USP30: variants seen among roughly 807,000 people sequenced by gnomAD.
USP30 encodes the protein ubiquitin carboxyl-terminal hydrolase 30.
In USP30, 41 loss-of-function variants were observed where a neutral mutation model predicts 68.2. The observed-to-expected ratio is 0.60, with a 90% CI of 0.47 to 0.78. The LOEUF is 0.78. USP30 is among the 30% of genes least tolerant of loss of function. The probability of loss-of-function intolerance (pLI) is 0.00; values close to 1 mark genes in which losing one functional copy is unlikely to be tolerated. For missense variants in USP30, 522 were observed against 649.4 expected (o/e 0.80, Z 2.13); for synonymous variants, 229 against 253.7 (o/e 0.90, Z 0.93).
chr12:109,071,483 G>T, intron 4 of USP30, 129 bp from the exon 5 acceptor site: 3 of 679,106 alleles, frequency 4.4e-6, no homozygotes, highest in Non-Finnish European at 2.6e-6. Context: ...TCTTTAATGA[G>T]CTGGGCCTTG....
chr12:109,030,894 G>C (rs1429247459), intron 3 of USP30, among the ~76,000 whole-genome samples: 1 of 152,076 alleles, frequency 6.6e-6, no homozygotes, highest in Non-Finnish European at 1.5e-5. Flanking sequence ...GATTACAGGC[G>C]TGAGCCACCG....
rs560880766 is a variant in USP30 at position 109,070,657 on chromosome 12, A to T, written c.481-955A>T. Among the ~76,000 whole-genome samples the T allele has an allele frequency of 2.7e-4, 41 of 152,268 alleles. No individual in the cohort carries two copies. Among genetic ancestry groups the T allele is most frequent in the African/African-American group, 8.9e-4 (37 of 41,552 alleles). On this transcript the variant is annotated intron_variant, in intron 4 of 12. Coordinates refer to ENST00000257548, the MANE Select transcript of USP30 (RefSeq NM_032663.5). The surrounding 1 kb of genome is among the most constrained non-coding windows in gnomAD (Gnocchi z 4.0). ...TGAGGGGACACCAAAGGAGAAGCAG[A>T]GGGCCTGTGTTGTGACCCCGTTACT...
Position 109,085,964 on chromosome 12 carries a change from ACT to A in USP30, c.*34_*35del, listed in dbSNP as rs760383938. Reference sequence around the variant, plus strand: ...CTCCTGCAAGGCTAGAGCTGATGGCACTGTCTGCACTGTCCAGGAAAAAAGTA... The same window carrying A: ...CTCCTGCAAGGCTAGAGCTGATGGCAGTCTGCACTGTCCAGGAAAAAAGTA... On this transcript the variant is annotated 3_prime_UTR_variant, in exon 13 of 13. Transcript: ENST00000257548. 9.3e-5 allele frequency: 148 copies of A among 1,596,272 alleles called. No homozygotes were observed. In the African/African-American group the frequency reaches 1.7e-3, roughly 18 times the overall value.
At position 109,086,192 on chromosome 12, in the gene USP30, T is replaced by TA. The variant is rs2041944716; in HGVS notation, c.*262dup. On this transcript the variant is annotated 3_prime_UTR_variant, in exon 13 of 13. Coordinates refer to ENST00000257548, the MANE Select transcript of USP30 (RefSeq NM_032663.5). ...CCGGAGTGTCTTTTTACTCATCTGA[T>TA]ACAGGTAATTAAAAGAACTCAGATT... 2.5e-6 allele frequency: 1 copy of TA among 395,228 alleles called. No individual in the cohort carries two copies. The highest frequency in any genetic ancestry group is 4.5e-6 in the Non-Finnish European group (1 of 222,048). 24.5% of individuals were successfully genotyped at this position (395,228 alleles called of 1,614,324 possible).
chr12:109,052,750 G>C lies in USP30; in HGVS notation c.72G>C (p.Gly24=), dbSNP rs769205596. 6 of 1,456,950 alleles carry C rather than the reference G, an allele frequency of 4.1e-6. No homozygotes were observed. The East Asian group carries it at 1.6e-4, about 40-fold the overall frequency. 90.3% of individuals were successfully genotyped at this position (1,456,950 alleles called of 1,614,324 possible). A position where few individuals can be genotyped will look rare whatever the true frequency, so the allele number is the denominator to read the frequency against. ...DRAIQRFLRT[G]AAVRYKVMKN... is the part of the protein sequence containing the mutation. ...CCATCCAGCGCTTCCTGCGGACCGG[G>C]GCGGCCGTCAGGTGAGATTTTGGGG... is the stretch of plus-strand genomic sequence containing the variant. The change falls in exon 1 of 13, where the codon GGG becomes GGC. Residue 24 remains glycine (G), a synonymous_variant. Coordinates refer to ENST00000257548, the MANE Select transcript of USP30 (RefSeq NM_032663.5).
intron 1 of USP30, among the ~76,000 whole-genome samples, chr12:109,023,414 G>A (rs1429356960): frequency 6.6e-6 from 1 of 151,994 alleles, no homozygotes. Flanking sequence ...ACTTAGCCAG[G>A]TGTGGTGGCA....
chr12:109,055,397 TATA>T (rs1406891646), intron 1 of USP30, among the ~76,000 whole-genome samples: 3,602 of 50,156 alleles, frequency 0.072, 363 homozygotes, highest in Middle Eastern at 0.14. Context: ...TATATATATA[TATA>T]TTTTTTTTTT....
At chr12:109,031,602 T>C (rs1415130737) in intron 3 of USP30, among the ~76,000 whole-genome samples, 1 of 152,236 alleles carries the variant, frequency 6.6e-6, no homozygotes, top group Non-Finnish European at 1.5e-5. Flanking sequence ...GCAACCCATG[T>C]GTCCATCAAT....
chr12:109,028,568 A>G (rs1000080640), intron 3 of USP30, among the ~76,000 whole-genome samples: 3 of 151,894 alleles, frequency 2.0e-5, no homozygotes, highest in Admixed American at 6.6e-5. Flanking sequence ...ACCTCCACCT[A>G]CCAGGTTCAG....
At chr12:109,055,369 C>CATATATATACATAT (rs1329701849) in intron 1 of USP30, among the ~76,000 whole-genome samples, 6 of 68,790 alleles carry the variant, frequency 8.7e-5, no homozygotes, top group Non-Finnish European at 1.1e-4. Flanking sequence ...TACACACACA[C>CATATATATACATAT]ATATATATAC....
At chr12:109,082,291 T>C (rs987140375) in intron 9 of USP30, among the ~76,000 whole-genome samples, 1 of 152,194 alleles carries the variant, frequency 6.6e-6, no homozygotes, top group African/African-American at 2.4e-5. Context: ...TCCAATCCCA[T>C]TTGTTTTACA....
rs758919311 is a variant in USP30 at position 109,073,542 on chromosome 12, A to G, written c.720+10A>G. 2 of 1,601,222 alleles carry G rather than the reference A, an allele frequency of 1.2e-6. No homozygotes were observed. Among genetic ancestry groups the G allele is most frequent in the Non-Finnish European group, 1.7e-6 (2 of 1,168,332 alleles). ...ACACTGTGAACACCAGGTAAATACA[A>G]TACCAACACTTGATATTTCCGGGAG... On this transcript the variant is annotated intron_variant, in intron 7 of 12. Transcript: ENST00000257548.
At chr12:109,032,116 C>A (rs563948229) in intron 3 of USP30, among the ~76,000 whole-genome samples, 1 of 147,458 alleles carries the variant, frequency 6.8e-6, no homozygotes, top group Non-Finnish European at 1.5e-5. Flanking sequence ...AAAAAAAACA[C>A]GGGCAACATG....
At chr12:109,044,805 T>C (rs1378948423) in intron 3 of USP30, among the ~76,000 whole-genome samples, 5 of 152,206 alleles carry the variant, frequency 3.3e-5, no homozygotes, top group South Asian at 4.1e-4. Flanking sequence ...GTAATTCTGA[T>C]AAACATCCAA....
At chr12:109,046,274 A>G (rs2040604191) in intron 3 of USP30, among the ~76,000 whole-genome samples, 1 of 150,630 alleles carries the variant, frequency 6.6e-6, no homozygotes. Context: ...GCTAATTTTT[A>G]TTATTATTAT....
chr12:109,057,699 AAC>A (rs1033457442), intron 2 of USP30, among the ~76,000 whole-genome samples: 4 of 152,232 alleles, frequency 2.6e-5, no homozygotes, highest in African/African-American at 9.7e-5. Context: ...TTTCAAAAAT[AAC>A]ACACAAAGGG....
chr12:109,052,511 G>T (rs2040691448), upstream of USP30: 1 of 507,124 alleles, frequency 2.0e-6, no homozygotes, highest in Non-Finnish European at 3.2e-6. Flanking sequence ...GCTCTCCGGG[G>T]GCAGCTACTT....
In USP30 at chr12:109,086,183, C is replaced by T. The variant is rs376997991; in HGVS notation, c.*252C>T. 12 of 459,830 alleles carry T rather than the reference C, an allele frequency of 2.6e-5. No individual in the cohort carries two copies. In the South Asian group the frequency reaches 3.5e-4, roughly 14 times the overall value. The allele number at this position is 459,830 out of a possible 1,614,324, so 28.5% of individuals were successfully genotyped here. On this transcript the variant is annotated 3_prime_UTR_variant, in exon 13 of 13. Coordinates refer to ENST00000257548, the MANE Select transcript of USP30 (RefSeq NM_032663.5). The stretch of plus-strand genomic sequence containing the variant: ...TCATTATGTCCGGAGTGTCTTTTTA[C>T]TCATCTGATACAGGTAATTAAAAGA...
intron 7 of USP30, among the ~76,000 whole-genome samples, chr12:109,075,715 T>C (rs1299693481): frequency 6.6e-6 from 1 of 152,222 alleles, no homozygotes; most frequent in Non-Finnish European, 1.5e-5. Context: ...TATGGTTTTA[T>C]TTGCATTTCC....
Sources: allele counts gnomAD v4.1 joint callset (sites outside exome capture counted in the v4.1 genomes callset), GRCh38; gene constraint gnomAD v4.1.1; non-coding constraint Gnocchi (gnomAD v3.1); transcripts MANE v1.5; gene names NCBI Gene and HGNC (gene_info 2026-07-23, HGNC 2026-07-21).